SLC16A9: variants seen among roughly 807,000 people sequenced by gnomAD.
SLC16A9 encodes the protein solute carrier family 16 member 9, also known as monocarboxylate transporter 9.
SLC16A9 carries 26 observed loss-of-function variants against 44.3 expected under a neutral mutation model. That is an observed-to-expected ratio of 0.59 (90% CI 0.43 to 0.81). The LOEUF is 0.81. Among genes scored for constraint, SLC16A9 ranks in the 40% least tolerant of loss-of-function variants. The pLI, the probability that SLC16A9 is intolerant of heterozygous loss-of-function variation, is 0.00. For missense variants in SLC16A9, 559 were observed against 595.8 expected (o/e 0.94, Z 0.64); for synonymous variants, 230 against 225.1 (o/e 1.02, Z -0.19).
chr10:59,669,697 G>A (rs374893142), intron 3 of SLC16A9, among the ~76,000 whole-genome samples: 2 of 152,010 alleles, frequency 1.3e-5, no homozygotes, highest in Non-Finnish European at 2.9e-5. Context: ...TGAGTCAAGC[G>A]TGGTGGCTTG....
intron 3 of SLC16A9, among the ~76,000 whole-genome samples, chr10:59,671,840 G>A (rs747999629): frequency 2.5e-4 from 38 of 152,142 alleles, no homozygotes; most frequent in Non-Finnish European, 4.4e-4. Flanking sequence ...TTACTTCTCT[G>A]AGCTTCACTT....
chr10:59,685,654 T>C (rs753763), intron 1 of SLC16A9, among the ~76,000 whole-genome samples: 6,172 of 152,350 alleles, frequency 0.041, 138 homozygotes, highest in South Asian at 0.07. Context: ...CCAGTCCCTG[T>C]GGCTTTAATG....
rs893468802 is a variant in SLC16A9 at position 59,651,241 on chromosome 10, C to T, written c.*1531G>A. ...TTGTGTTTATAAAGTGCTTCAGGCG[C>T]CTTCGAAGAAAGGCAACATACAAGT... On this transcript the variant is annotated 3_prime_UTR_variant, in exon 6 of 6. Transcript: ENST00000395348. 2 of 152,050 alleles carry T rather than the reference C, an allele frequency of 1.3e-5. No individual in the cohort carries two copies. Among genetic ancestry groups the T allele is most frequent in the African/African-American group, 2.4e-5 (1 of 41,404 alleles). 9.4% of individuals were successfully genotyped at this position (152,050 alleles called of 1,614,324 possible).
At chr10:59,680,723 G>A (rs1839966957) in intron 2 of SLC16A9, among the ~76,000 whole-genome samples, 1 of 152,146 alleles carries the variant, frequency 6.6e-6, no homozygotes, top group South Asian at 2.1e-4. Context: ...GCTTATGCCT[G>A]TAATCCCAAC....
intron 1 of SLC16A9, among the ~76,000 whole-genome samples, chr10:59,703,710 C>A (rs1343251233): frequency 6.6e-6 from 1 of 151,230 alleles, no homozygotes; most frequent in Non-Finnish European, 1.5e-5. Context: ...GAATGAATTG[C>A]TGATTTTTTT....
intron 2 of SLC16A9, among the ~76,000 whole-genome samples, chr10:59,676,762 A>C (rs1480604496): frequency 6.6e-6 from 1 of 152,004 alleles, no homozygotes; most frequent in Non-Finnish European, 1.5e-5. Context: ...GCCTCTACTA[A>C]AAATACAAAA....
At position 59,654,520 on chromosome 10, in the gene SLC16A9, C is replaced by T; in HGVS notation, c.506G>A (p.Gly169Glu). Residue 169 changes from glycine (G) to glutamate (E), a missense_variant, in exon 5 of 6, where the codon GGA (glycine) becomes GAA (glutamate). By Grantham distance (98) the Gly-to-Glu change is moderately conservative. Transcript: ENST00000395348. Reference sequence around the variant, plus strand: ...TAAAGCACCCACAATCAGCAAGCATCCATCCAGTCCATAGAACTCAACCAG... The same window carrying T: ...TAAAGCACCCACAATCAGCAAGCATTCATCCAGTCCATAGAACTCAACCAG... ...RMLVEFYGLD[G>E]CLLIVGALAL... 1 of 1,609,186 alleles carries T rather than the reference C, an allele frequency of 6.2e-7. No homozygotes were observed. The highest frequency in any genetic ancestry group is 8.5e-7 in the Non-Finnish European group (1 of 1,179,984).
intron 1 of SLC16A9, among the ~76,000 whole-genome samples, chr10:59,701,745 C>T (rs986528825): frequency 6.6e-6 from 1 of 152,190 alleles, no homozygotes; most frequent in Non-Finnish European, 1.5e-5. Context: ...GCTCACGACT[C>T]AGCATTTTAG....
chr10:59,670,671 A>G (rs1398625912), intron 3 of SLC16A9, among the ~76,000 whole-genome samples: 1 of 152,206 alleles, frequency 6.6e-6, no homozygotes, highest in African/African-American at 2.4e-5. Flanking sequence ...CATTAGACTG[A>G]ACCGTTCTTA....
At position 59,654,282 on chromosome 10, in the gene SLC16A9, T is replaced by A. The variant is rs780692210; in HGVS notation, c.744A>T (p.Lys248Asn). 6.2e-7 allele frequency: 1 copy of A among 1,614,216 alleles called. No individual in the cohort carries two copies. Among genetic ancestry groups the A allele is most frequent in the Non-Finnish European group, 8.5e-7 (1 of 1,180,034 alleles). ...GGTTTTTATGAAGTAGGCTGTCTTG[T>A]TTCCAGTCACCATTGGCTAACGTGA... is the stretch of plus-strand genomic sequence containing the variant. Reference protein sequence around the residue: ...CRITLANGDWKQDSLLHKNPT... With the variant: ...CRITLANGDWNQDSLLHKNPT... Residue 248 changes from lysine to asparagine, a missense_variant, in exon 5 of 6, where the codon AAA becomes AAT. Coordinates refer to ENST00000395348, the MANE Select transcript of SLC16A9 (RefSeq NM_194298.3).
At chr10:59,660,743 G>A (rs1168204192) in intron 4 of SLC16A9, among the ~76,000 whole-genome samples, 2 of 152,000 alleles carry the variant, frequency 1.3e-5, no homozygotes, top group African/African-American at 2.4e-5. Flanking sequence ...ACATTGATAC[G>A]AATTTCCTCA....
At chr10:59,660,342 T>G (rs1428107487) in intron 4 of SLC16A9, among the ~76,000 whole-genome samples, 2 of 152,010 alleles carry the variant, frequency 1.3e-5, no homozygotes, top group African/African-American at 4.8e-5. Flanking sequence ...CACACAGAAA[T>G]ACAAATCCCA....
At chr10:59,696,035 T>A (rs1479721859) in intron 1 of SLC16A9, among the ~76,000 whole-genome samples, 2 of 152,180 alleles carry the variant, frequency 1.3e-5, no homozygotes, top group African/African-American at 4.8e-5. Flanking sequence ...AGAGGCGGTG[T>A]GACCCTGTCT....
chr10:59,654,196 T>C lies in SLC16A9; in HGVS notation c.830A>G (p.Tyr277Cys), dbSNP rs747080169. 6.2e-7 allele frequency: 1 copy of C among 1,614,104 alleles called. No individual in the cohort carries two copies. Among genetic ancestry groups the C allele is most frequent in the Non-Finnish European group, 8.5e-7 (1 of 1,180,006 alleles). Reference sequence around the variant, plus strand: ...CCTCTTGGCAAGCTGTTTGCAAAAATATGTCTGTTCTGCAACTTTCTTTTT... The same window carrying C: ...CCTCTTGGCAAGCTGTTTGCAAAAACATGTCTGTTCTGCAACTTTCTTTTT... ...TYKKKVAEQTYFCKQLAKRKW... is the reference protein window; with the variant it reads ...TYKKKVAEQTCFCKQLAKRKW... Residue 277 changes from tyrosine (Y) to cysteine (C), a missense_variant, in exon 5 of 6, where the codon TAT (tyrosine) becomes TGT (cysteine). Coordinates refer to ENST00000395348, the MANE Select transcript of SLC16A9 (RefSeq NM_194298.3).
In SLC16A9 at chr10:59,681,656, TGTATATG is replaced by T. The variant is rs1840006146; in HGVS notation, c.196+2433_196+2439del. ...ATGTATATGTGTATGTGTATGTATATGTATATGATGTATATGTATATGTATATGTATA... is the reference window on the plus strand; with the variant it reads ...ATGTATATGTGTATGTGTATGTATATATGTATATGTATATGTATATGTATA... On this transcript the variant is annotated intron_variant, in intron 2 of 5. Transcript: ENST00000395348. Among the ~76,000 whole-genome samples, 5 of 16,628 alleles carry T rather than the reference TGTATATG, an allele frequency of 3.0e-4. 1 individual carries two copies. The highest frequency in any genetic ancestry group is 2.6e-3 in the Admixed American group (2 of 778). The allele number at this position is 16,628 out of a possible 152,430, so 10.9% of individuals were successfully genotyped here. A position where few individuals can be genotyped will look rare whatever the true frequency, so the allele number is the denominator to read the frequency against.
At chr10:59,689,466 G>A (rs1840207096) in intron 1 of SLC16A9, among the ~76,000 whole-genome samples, 1 of 152,186 alleles carries the variant, frequency 6.6e-6, no homozygotes, top group Non-Finnish European at 1.5e-5. Context: ...TAACCCAAGA[G>A]AAGCCAGTAG....
chr10:59,694,315 G>T (rs976659012), intron 1 of SLC16A9, among the ~76,000 whole-genome samples: 1 of 152,124 alleles, frequency 6.6e-6, no homozygotes, highest in East Asian at 1.9e-4. Context: ...ATCAAGATGG[G>T]ATTAAGCTAC....
intron 1 of SLC16A9, among the ~76,000 whole-genome samples, chr10:59,688,397 A>G (rs1840180857): frequency 6.6e-6 from 1 of 152,176 alleles, no homozygotes; most frequent in South Asian, 2.1e-4. Context: ...TACACAAATT[A>G]ACTTTCAACA....
chr10:59,658,860 C>G (rs1414872054), intron 4 of SLC16A9, among the ~76,000 whole-genome samples: 1 of 152,162 alleles, frequency 6.6e-6, no homozygotes, highest in African/African-American at 2.4e-5. Context: ...CCATGAATCA[C>G]TTTGTTGCCA....
Sources: gnomAD v4.1 joint callset for allele counts (sites outside exome capture counted in the v4.1 genomes callset) on GRCh38, gnomAD v4.1.1 for gene constraint, MANE v1.5 for transcripts, NCBI Gene and HGNC (gene_info 2026-07-23, HGNC 2026-07-21) for gene names.